The following SHCBP1L variants were observed in gnomAD, a reference collection of about 807,000 sequenced individuals.
The protein encoded by SHCBP1L is SHC binding and spindle associated 1 like.
Under a neutral mutation model 62.5 loss-of-function variants are expected in SHCBP1L, and 67 were observed. The ratio of observed to expected loss-of-function variants is 1.07; its 90% confidence interval spans 0.88 to 1.31. The LOEUF (loss-of-function observed/expected upper bound fraction) is 1.31. Ranked by LOEUF, SHCBP1L falls within the 40% of genes most tolerant of loss-of-function variation. SHCBP1L has a pLI of 0.00. For missense variants in SHCBP1L, 823 were observed against 809.8 expected (o/e 1.02, Z -0.20); for synonymous variants, 284 against 289.4 (o/e 0.98, Z 0.19).
chr1:182,938,527 C>T (rs1167810539), intron 5 of SHCBP1L, among the ~76,000 whole-genome samples: 1 of 152,160 alleles, frequency 6.6e-6, no homozygotes, highest in Non-Finnish European at 1.5e-5. Flanking sequence ...GTAGCATGAT[C>T]GATGCTTACT....
chr1:182,942,067 G>C (rs938172393), intron 2 of SHCBP1L: 1 of 927,412 alleles, frequency 1.1e-6, no homozygotes, highest in African/African-American at 1.6e-5. Context: ...TACAAGAAGG[G>C]AGACAGGGAC....
intron 5 of SHCBP1L, among the ~76,000 whole-genome samples, chr1:182,936,044 T>C (rs954774644): frequency 1.6e-4 from 24 of 152,080 alleles, no homozygotes; most frequent in Non-Finnish European, 4.4e-5. Context: ...TGGTTTCTAT[T>C]AATACAGAGG....
chr1:182,917,412 T>C (rs1187829258), intron 6 of SHCBP1L, among the ~76,000 whole-genome samples: 2 of 152,110 alleles, frequency 1.3e-5, no homozygotes, highest in African/African-American at 2.4e-5. Context: ...CCCAGCTAAT[T>C]TCTGTATTTT....
intron 5 of SHCBP1L, among the ~76,000 whole-genome samples, chr1:182,930,274 T>G (rs558406711): frequency 6.6e-6 from 1 of 152,280 alleles, no homozygotes; most frequent in East Asian, 1.9e-4. Flanking sequence ...TGTTTTTATA[T>G]TGTTTGCTAT....
chr1:182,939,162 G>C lies in SHCBP1L; in HGVS notation c.1076+14C>G, dbSNP rs375109928. The C allele has an allele frequency of 1.3e-5, 21 of 1,591,578 alleles. No individual in the cohort carries two copies. The highest frequency in any genetic ancestry group is 1.2e-5 in the Non-Finnish European group (14 of 1,166,526). On this transcript the variant is annotated intron_variant, in intron 5 of 9. Transcript: ENST00000367547. The stretch of plus-strand genomic sequence containing the variant: ...TAAACTTTTGCTTCTATTTGAAATA[G>C]AGCAAATTATTACCGGAGGCGTAAA...
intron 6 of SHCBP1L, among the ~76,000 whole-genome samples, chr1:182,925,706 TATATACCCCAAA>T (rs1237750421): frequency 2.6e-5 from 4 of 152,184 alleles, no homozygotes; most frequent in Admixed American, 2.6e-4. Context: ...TAGTCTTTGG[TATATACCCCAAA>T]GAATCGAAAA....
In SHCBP1L at chr1:182,924,974, G is replaced by GAAAGAAAGA. The variant is rs1344712194; in HGVS notation, c.1182+4672_1182+4673insTCTTTCTTT. ...AGAAAGAAAGAAAGAAAGAAAGAAA[G>GAAAGAAAGA]AAAAAAAAAGGAAGAAGGAAAGGAA... On this transcript the variant is annotated intron_variant, in intron 6 of 9. Coordinates refer to ENST00000367547, the MANE Select transcript of SHCBP1L (RefSeq NM_030933.4). Among the ~76,000 whole-genome samples, 379 of 109,448 alleles carry GAAAGAAAGA rather than the reference G, an allele frequency of 3.5e-3. 2 individuals are homozygous for GAAAGAAAGA. Among genetic ancestry groups the GAAAGAAAGA allele is most frequent in the African/African-American group, 0.013 (339 of 26,080 alleles). The allele number at this position is 109,448 out of a possible 152,430, so 71.8% of individuals were successfully genotyped here.
In SHCBP1L at chr1:182,951,350, C is replaced by A; in HGVS notation, c.523G>T (p.Ala175Ser). ...AATATACCAACAAAAGGGATAGAAGCTTCTTCATATTTCACAAAGAATACA... is the reference window on the plus strand; with the variant it reads ...AATATACCAACAAAAGGGATAGAAGATTCTTCATATTTCACAAAGAATACA... ...PSVFFVKYEE[A>S]SIPFVGILVE... The change falls in exon 2 of 10, where the codon GCT (alanine) becomes TCT (serine). Residue 175 changes from alanine to serine, a missense_variant. By Grantham distance (99) the Ala-to-Ser change is moderately conservative (BLOSUM62 1). Coordinates refer to ENST00000367547, the MANE Select transcript of SHCBP1L (RefSeq NM_030933.4). 1 of 1,596,400 alleles carries A rather than the reference C, an allele frequency of 6.3e-7. No individual in the cohort carries two copies. Among genetic ancestry groups the A allele is most frequent in the Non-Finnish European group, 8.5e-7 (1 of 1,172,718 alleles).
chr1:182,914,280 T>C (rs1277566121), intron 6 of SHCBP1L, among the ~76,000 whole-genome samples: 9 of 151,998 alleles, frequency 5.9e-5, no homozygotes, highest in Non-Finnish European at 1.3e-4. Context: ...TGAAATGAAA[T>C]AGACAACAGA....
intron 2 of SHCBP1L, among the ~76,000 whole-genome samples, chr1:182,943,429 T>TTTTG (rs1187871954): frequency 6.8e-6 from 1 of 146,740 alleles, no homozygotes; most frequent in Non-Finnish European, 1.5e-5. Context: ...GCCTAGTTTT[T>TTTTG]TTTGTTTGTT....
intron 2 of SHCBP1L, chr1:182,942,383 C>T: frequency 1.3e-6 from 1 of 742,640 alleles, no homozygotes; most frequent in Non-Finnish European, 2.5e-6. Flanking sequence ...TTCGGCGGAG[C>T]TGACCTTCCT....
intron 6 of SHCBP1L, among the ~76,000 whole-genome samples, chr1:182,917,940 C>T (rs928961763): frequency 1.3e-5 from 2 of 151,878 alleles, no homozygotes; most frequent in Non-Finnish European, 2.9e-5. Context: ...TGCTGTTCAA[C>T]ATTGAACCAG....
intron 6 of SHCBP1L, among the ~76,000 whole-genome samples, chr1:182,921,152 T>TA (rs916120129): frequency 6.6e-6 from 1 of 152,098 alleles, no homozygotes; most frequent in African/African-American, 2.4e-5. Flanking sequence ...ACAAAGGGAA[T>TA]CCTATCAAGC....
chr1:182,948,045 T>C (rs1050344738), intron 2 of SHCBP1L, among the ~76,000 whole-genome samples: 33 of 152,244 alleles, frequency 2.2e-4, no homozygotes, highest in Non-Finnish European at 2.4e-4. Flanking sequence ...GTGTTTATCA[T>C]ATTTATGACA....
At position 182,953,122 on chromosome 1, in the gene SHCBP1L, G is replaced by A; in HGVS notation, c.12C>T (p.Gly4=). 1 of 1,579,672 alleles carries A rather than the reference G, an allele frequency of 6.3e-7. No homozygotes were observed. The highest frequency in any genetic ancestry group is 8.5e-7 in the Non-Finnish European group (1 of 1,171,184). Residue 4 remains glycine, a synonymous_variant, in exon 1 of 10, where the codon GGC becomes GGT. Transcript: ENST00000367547. MAS[G]SKASVPADSF... is the part of the protein sequence containing the mutation. ...AGTCCGCGGGCACCGAGGCCTTGGA[G>A]CCCGACGCCATCTCCTCAGCAGCCC...
chr1:182,924,778 AAGAAAGAAAGAG>A (rs1650650959), intron 6 of SHCBP1L, among the ~76,000 whole-genome samples: 1 of 99,110 alleles, frequency 1.0e-5, no homozygotes, highest in Admixed American at 9.5e-5. Context: ...GAAAGAAAGA[AAGAAAGAAAGAG>A]AGAAAGAAAG....
intron 6 of SHCBP1L, among the ~76,000 whole-genome samples, chr1:182,927,463 G>A (rs1489762427): frequency 2.0e-5 from 3 of 152,124 alleles, no homozygotes; most frequent in Admixed American, 6.5e-5. Context: ...ACGAGGTCAG[G>A]AGATCGAGAC....
rs750300036 is a variant in SHCBP1L, at chr1:182,905,594, G to GACAAAT, written c.1237_1238insATTTGT (p.Ala413delinsAspLeuSer). On this transcript the variant is annotated protein_altering_variant, in exon 7 of 10. Coordinates refer to ENST00000367547, the MANE Select transcript of SHCBP1L (RefSeq NM_030933.4). ...ATCTCCACTATAACAATTATCCAAA[G>GACAAAT]CCAAATCCAAATCACCATGCTGTTG... The GACAAAT allele has an allele frequency of 6.2e-7, 1 of 1,613,724 alleles. No homozygotes were observed.
chr1:182,922,922 G>C (rs981305634), intron 6 of SHCBP1L, among the ~76,000 whole-genome samples: 3 of 152,118 alleles, frequency 2.0e-5, no homozygotes, highest in African/African-American at 7.2e-5. Flanking sequence ...GAATGAATTT[G>C]AGATGTGAAA....
Sources: allele counts gnomAD v4.1 joint callset (sites outside exome capture counted in the v4.1 genomes callset), GRCh38; gene constraint gnomAD v4.1.1; transcripts MANE v1.5; gene names NCBI Gene and HGNC (gene_info 2026-07-23, HGNC 2026-07-21).